The following DPH5 variants were observed in gnomAD, a reference collection of about 807,000 sequenced individuals.
DPH5 encodes diphthamide biosynthesis 5.
A neutral mutation model predicts 31.6 loss-of-function variants in DPH5; 31 were observed. The observed-to-expected ratio is 0.98, with a 90% CI of 0.74 to 1.32. The LOEUF is 1.32. DPH5 is among the 40% of genes most tolerant of loss of function. DPH5 has a pLI of 0.00. For missense variants in DPH5, 309 were observed against 335.7 expected (o/e 0.92, Z 0.62); for synonymous variants, 120 against 115.0 (o/e 1.04, Z -0.28).
At chr1:100,993,566 AT>A (rs1658016601) in intron 6 of DPH5, among the ~76,000 whole-genome samples, 1 of 71,230 alleles carries the variant, frequency 1.4e-5, no homozygotes, top group Non-Finnish European at 2.9e-5. Flanking sequence ...ATAAATATAT[AT>A]ATATATATAT....
intron 4 of DPH5, among the ~76,000 whole-genome samples, chr1:101,002,416 T>A (rs1471269356): frequency 6.6e-6 from 1 of 152,196 alleles, no homozygotes; most frequent in Non-Finnish European, 1.5e-5. Flanking sequence ...GGAATAGTGA[T>A]AAAATTCTGT....
At chr1:100,992,307 T>C (rs12561853) in intron 7 of DPH5, among the ~76,000 whole-genome samples, 21,645 of 152,046 alleles carry the variant, frequency 0.14, 1,546 homozygotes, top group Non-Finnish European at 0.15. Context: ...GATCTCACCA[T>C]TGATTAGGGA....
At chr1:101,008,043 A>C (rs886705238) in intron 4 of DPH5, among the ~76,000 whole-genome samples, 1 of 152,212 alleles carries the variant, frequency 6.6e-6, no homozygotes, top group African/African-American at 2.4e-5. Context: ...AAAATCCTAA[A>C]ATTTATTGAA....
intron 4 of DPH5, among the ~76,000 whole-genome samples, chr1:101,006,179 A>G (rs534939396): frequency 6.6e-6 from 1 of 152,232 alleles, no homozygotes; most frequent in Non-Finnish European, 1.5e-5. Context: ...TTGAGTCACA[A>G]TTGACCTCAA....
intron 4 of DPH5, among the ~76,000 whole-genome samples, chr1:101,012,523 CT>C (rs1177335287): frequency 6.6e-6 from 1 of 152,190 alleles, no homozygotes; most frequent in Admixed American, 6.5e-5. Flanking sequence ...GCATCATTTT[CT>C]CCATCCCTAT....
In DPH5 at chr1:101,008,676, A is replaced by G. The variant is rs114228303; in HGVS notation, c.369+5034T>C. On this transcript the variant is annotated intron_variant, in intron 4 of 7. Coordinates refer to ENST00000370109, the MANE Select transcript of DPH5 (RefSeq NM_015958.3). ...TTGTATGTGTGTGTGTGTTACTGCA[A>G]TACCTTACAGATTCCCTAAAGTGCT... is the stretch of plus-strand genomic sequence containing the variant. 9.5e-3 allele frequency among the ~76,000 whole-genome samples: 1,443 copies of G among 152,324 alleles called. 22 individuals carry two copies. Among genetic ancestry groups the G allele is most frequent in the African/African-American group, 0.033 (1,383 of 41,558 alleles).
Position 100,990,358 on chromosome 1 carries a change from C to A in DPH5, c.*50G>T. ...GGGTGGGGATACATCCAAACCATATCAATCCATATATGGCTGAAATTTACA... is the reference window on the plus strand; with the variant it reads ...GGGTGGGGATACATCCAAACCATATAAATCCATATATGGCTGAAATTTACA... On this transcript the variant is annotated 3_prime_UTR_variant, in exon 8 of 8. Transcript: ENST00000370109. 6.5e-7 allele frequency: 1 copy of A among 1,537,120 alleles called. No individual in the cohort carries two copies.
intron 5 of DPH5, among the ~76,000 whole-genome samples, chr1:100,997,143 T>C (rs1474312840): frequency 6.6e-6 from 1 of 152,220 alleles, no homozygotes; most frequent in African/African-American, 2.4e-5. Flanking sequence ...CTCCATACAA[T>C]AGAATTTTTG....
At chr1:101,017,495 A>G (rs1463364069) in intron 3 of DPH5, among the ~76,000 whole-genome samples, 2 of 152,234 alleles carry the variant, frequency 1.3e-5, no homozygotes, top group African/African-American at 4.8e-5. Context: ...GAGACTATAG[A>G]TAAATATAAA....
Position 100,990,440 on chromosome 1 carries a change from T to C in DPH5, c.826A>G (p.Ser276Gly). The C allele has an allele frequency of 6.2e-7, 1 of 1,614,154 alleles. No individual in the cohort carries two copies. The highest frequency in any genetic ancestry group is 2.2e-5 in the East Asian group (1 of 44,882). ...MLSLFSIPENSSESQSINGL is the reference protein window; with the variant it reads ...MLSLFSIPENGSESQSINGL ...CCATTGATGCTTTGAGATTCTGAGC[T>C]ATTTTCTGGTATGGAAAACAGACTT... The change falls in exon 8 of 8, where the codon AGC (serine) becomes GGC (glycine). Residue 276 changes from serine (S) to glycine (G), a missense_variant. Physicochemically the swap from Ser to Gly is moderately conservative, Grantham distance 56. Coordinates refer to ENST00000370109, the MANE Select transcript of DPH5 (RefSeq NM_015958.3).
intron 4 of DPH5, among the ~76,000 whole-genome samples, chr1:101,008,880 G>C (rs1196786941): frequency 6.6e-6 from 1 of 152,124 alleles, no homozygotes. Flanking sequence ...ACCACGCTGT[G>C]CAACCACTGC....
intron 3 of DPH5, among the ~76,000 whole-genome samples, chr1:101,015,227 A>G (rs1312338252): frequency 6.7e-6 from 1 of 149,954 alleles, no homozygotes; most frequent in Non-Finnish European, 1.5e-5. Flanking sequence ...CTCACAAAAT[A>G]TATTTCTTAG....
intron 6 of DPH5, 113 bp downstream of exon 6, chr1:100,994,997 G>A: frequency 1.4e-6 from 1 of 717,962 alleles, no homozygotes; most frequent in Non-Finnish European, 2.4e-6. Flanking sequence ...TGTTCACACT[G>A]TTAATGAGAG....
In DPH5 at chr1:101,011,986, C is replaced by T. The variant is rs554400826; in HGVS notation, c.369+1724G>A. On this transcript the variant is annotated intron_variant, in intron 4 of 7. Transcript: ENST00000370109. ...CGCGATCTCAGCTCACTGCAACCTCCGCCTTGTGGATTAGGGTGATTCTCC... is the reference window on the plus strand; with the variant it reads ...CGCGATCTCAGCTCACTGCAACCTCTGCCTTGTGGATTAGGGTGATTCTCC... Among the ~76,000 whole-genome samples the T allele has an allele frequency of 5.2e-4, 79 of 151,098 alleles. 1 individual carries two copies. The highest frequency in any genetic ancestry group is 1.7e-3 in the African/African-American group (68 of 41,110).
chr1:101,008,386 C>T (rs1659388272), intron 4 of DPH5, among the ~76,000 whole-genome samples: 1 of 152,202 alleles, frequency 6.6e-6, no homozygotes, highest in Admixed American at 6.5e-5. Flanking sequence ...CTCATCCAGT[C>T]TCCCTCCCAA....
intron 3 of DPH5, among the ~76,000 whole-genome samples, chr1:101,014,898 A>G (rs886642409): frequency 6.6e-6 from 1 of 152,086 alleles, no homozygotes; most frequent in African/African-American, 2.4e-5. Flanking sequence ...ATAAGAAGCA[A>G]CTCTTCATCT....
chr1:100,996,753 T>G (rs969967392), intron 5 of DPH5, among the ~76,000 whole-genome samples: 2 of 152,234 alleles, frequency 1.3e-5, no homozygotes, highest in Non-Finnish European at 2.9e-5. Flanking sequence ...TCTACACAAT[T>G]AATGCTATCT....
chr1:101,021,710 T>G lies in DPH5; in HGVS notation c.191A>C (p.Glu64Ala). ...VVADREEVEQ[E>A]ADNILKDADI... ...AGCATCCTTTAAAATATTATCTGCT[T>G]CTTGTTCCACTTCTTCTCTATCAGC... is the stretch of plus-strand genomic sequence containing the variant. The change falls in exon 3 of 8, where the codon GAA (glutamate) becomes GCA (alanine). Residue 64 changes from glutamate (E) to alanine (A), a missense_variant. Coordinates refer to ENST00000370109, the MANE Select transcript of DPH5 (RefSeq NM_015958.3). The G allele has an allele frequency of 6.2e-7, 1 of 1,614,000 alleles. No homozygotes were observed. Among genetic ancestry groups the G allele is most frequent in the South Asian group, 1.1e-5 (1 of 91,082 alleles).
At chr1:100,991,473 A>G (rs903576935) in intron 7 of DPH5, among the ~76,000 whole-genome samples, 2 of 152,196 alleles carry the variant, frequency 1.3e-5, no homozygotes, top group Non-Finnish European at 2.9e-5. Flanking sequence ...ACCAATGAGA[A>G]TAAAATAAGC....
Sources: allele counts gnomAD v4.1 joint callset (sites outside exome capture counted in the v4.1 genomes callset), GRCh38; gene constraint gnomAD v4.1.1; transcripts MANE v1.5; gene names NCBI Gene and HGNC (gene_info 2026-07-23, HGNC 2026-07-21).